Variants in SFXN5 observed in about 807,000 individuals in gnomAD.
SFXN5 encodes the protein sideroflexin 5.
A neutral mutation model predicts 50.2 loss-of-function variants in SFXN5; 43 were observed. That is an observed-to-expected ratio of 0.86 (90% CI 0.67 to 1.11). SFXN5 has a LOEUF of 1.11. Among genes scored for constraint, SFXN5 ranks in the 50% least tolerant of loss-of-function variants. The pLI is 0.00. For synonymous variants in SFXN5, 203 were observed against 185.8 expected, an observed-to-expected ratio of 1.09 and a Z score of -0.75; for missense variants, 463 against 454.1, an observed-to-expected ratio of 1.02 and a Z score of -0.18.
intron 2 of SFXN5, among the ~76,000 whole-genome samples, chr2:73,044,279 T>C (rs1255779758): frequency 6.6e-6 from 1 of 152,140 alleles, no homozygotes; most frequent in Non-Finnish European, 1.5e-5. Flanking sequence ...TGCAGACAAA[T>C]CTGAGGGCCC....
At chr2:72,954,973 G>A (rs1411243758) in intron 13 of SFXN5, among the ~76,000 whole-genome samples, 1 of 152,218 alleles carries the variant, frequency 6.6e-6, no homozygotes, top group Admixed American at 6.5e-5. Context: ...GGTCTTTGAG[G>A]TTAAGACCCA....
chr2:73,054,852 C>A (rs1032242663), intron 2 of SFXN5, among the ~76,000 whole-genome samples: 1 of 152,220 alleles, frequency 6.6e-6, no homozygotes, highest in African/African-American at 2.4e-5. Flanking sequence ...TAAGTAGTTT[C>A]TCTAGTTTTG....
chr2:72,963,992 T>C (rs1674075051), intron 12 of SFXN5, among the ~76,000 whole-genome samples: 1 of 152,216 alleles, frequency 6.6e-6, no homozygotes, highest in Non-Finnish European at 1.5e-5. Flanking sequence ...GACGCTCCTC[T>C]GCTTCTGACT....
At chr2:73,012,018 AAAAC>A (rs1450033918) in intron 6 of SFXN5, among the ~76,000 whole-genome samples, 5 of 152,238 alleles carry the variant, frequency 3.3e-5, no homozygotes, top group Admixed American at 2.6e-4. Context: ...TTCAGCAGAG[AAAAC>A]AAACAAATAA....
chr2:73,052,835 T>C (rs1417241750), intron 2 of SFXN5, among the ~76,000 whole-genome samples: 1 of 152,120 alleles, frequency 6.6e-6, no homozygotes, highest in African/African-American at 2.4e-5. Context: ...TCATTGAAAA[T>C]AATTCTGCAC....
intron 10 of SFXN5, among the ~76,000 whole-genome samples, chr2:72,977,412 T>C (rs1340964146): frequency 1.3e-5 from 2 of 152,146 alleles, no homozygotes; most frequent in African/African-American, 2.4e-5. Flanking sequence ...TAGAAAAACA[T>C]ATGAGTAGGC....
chr2:72,966,505 C>T (rs1674421315), intron 12 of SFXN5, among the ~76,000 whole-genome samples: 1 of 152,276 alleles, frequency 6.6e-6, no homozygotes, highest in East Asian at 1.9e-4. Context: ...TTGCAAACTT[C>T]CATACCATAC....
chr2:73,017,561 C>T (rs1054583381), intron 6 of SFXN5, among the ~76,000 whole-genome samples: 2 of 152,196 alleles, frequency 1.3e-5, no homozygotes, highest in East Asian at 1.9e-4. Flanking sequence ...TTAGTTACTA[C>T]GTATTTTGAG....
chr2:73,039,913 C>T (rs576634047), intron 3 of SFXN5, among the ~76,000 whole-genome samples: 1 of 151,932 alleles, frequency 6.6e-6, no homozygotes, highest in Non-Finnish European at 1.5e-5. Context: ...CAGGTTCAAG[C>T]GATTCTCCTG....
chr2:72,983,882 AG>A (rs1671597325), intron 10 of SFXN5, among the ~76,000 whole-genome samples: 1 of 152,262 alleles, frequency 6.6e-6, no homozygotes, highest in African/African-American at 2.4e-5. Flanking sequence ...CTCTGCTCAC[AG>A]AGACTGGTGG....
intron 10 of SFXN5, among the ~76,000 whole-genome samples, chr2:72,984,423 T>TGGCTGCCTC (rs1327402167): frequency 1.3e-5 from 2 of 152,248 alleles, no homozygotes; most frequent in Non-Finnish European, 2.9e-5. Flanking sequence ...CGCGTAGCCT[T>TGGCTGCCTC]GGCTGCCTCC....
rs149369278 is a variant in SFXN5, at chr2:73,048,615, A to G, written c.172-7684T>C. Among the ~76,000 whole-genome samples, 1,280 of 152,280 alleles carry G rather than the reference A, an allele frequency of 8.4e-3. 15 individuals are homozygous for G. Among genetic ancestry groups the G allele is most frequent in the Non-Finnish European group, 0.01 (708 of 68,000 alleles). On this transcript the variant is annotated intron_variant, in intron 2 of 13. Transcript: ENST00000272433. ...CAGTTTTTATTTTCTTTAGACTTTT[A>G]TATGTCTTCCAGTATTTAGGAACTA... is the stretch of plus-strand genomic sequence containing the variant.
chr2:73,055,590 TTC>T (rs1463440041), intron 2 of SFXN5, among the ~76,000 whole-genome samples: 3 of 150,786 alleles, frequency 2.0e-5, no homozygotes, highest in South Asian at 2.1e-4. Flanking sequence ...TTTCTTTTTT[TTC>T]TTTTTCTTTT....
chr2:73,005,613 G>C (rs1475034773), intron 6 of SFXN5, among the ~76,000 whole-genome samples: 1 of 152,174 alleles, frequency 6.6e-6, no homozygotes, highest in Non-Finnish European at 1.5e-5. Flanking sequence ...CTCCCATGTA[G>C]TTCTTTCCTG....
At chr2:73,022,344 C>G (rs560125525) in intron 5 of SFXN5, among the ~76,000 whole-genome samples, 178 bp downstream of exon 5, 13 of 152,298 alleles carry the variant, frequency 8.5e-5, no homozygotes, top group Admixed American at 2.6e-4. Flanking sequence ...ATAGAGTATT[C>G]TGAGGCCTGG....
intron 2 of SFXN5, among the ~76,000 whole-genome samples, chr2:73,052,868 C>T (rs923621486): frequency 1.3e-5 from 2 of 152,178 alleles, no homozygotes; most frequent in African/African-American, 4.8e-5. Flanking sequence ...GGCAAGGAGA[C>T]TCATAGCCCT....
intron 3 of SFXN5, among the ~76,000 whole-genome samples, chr2:73,025,401 C>T (rs1377218666): frequency 6.6e-6 from 1 of 152,172 alleles, no homozygotes; most frequent in Non-Finnish European, 1.5e-5. Context: ...TCCATCCCCC[C>T]AGGGCCTGGA....
At chr2:73,031,460 G>A (rs927879981) in intron 3 of SFXN5, among the ~76,000 whole-genome samples, 2 of 152,212 alleles carry the variant, frequency 1.3e-5, no homozygotes, top group African/African-American at 4.8e-5. Flanking sequence ...TGTTATACAG[G>A]ACAGAAATAA....
intron 9 of SFXN5, among the ~76,000 whole-genome samples, chr2:72,988,828 G>A (rs1052242320): frequency 6.6e-6 from 1 of 152,144 alleles, no homozygotes; most frequent in Admixed American, 6.5e-5. Context: ...GCTCAGGACA[G>A]GGAGACCCCG....
Sources: allele counts gnomAD v4.1 joint callset (sites outside exome capture counted in the v4.1 genomes callset), GRCh38; gene constraint gnomAD v4.1.1; transcripts MANE v1.5; gene names NCBI Gene and HGNC (gene_info 2026-07-23, HGNC 2026-07-21).